BDP1: variants seen among roughly 807,000 people sequenced by gnomAD.
BDP1 encodes transcription factor TFIIIB component B'' homolog.
Under a neutral mutation model 266.6 loss-of-function variants are expected in BDP1, and 169 were observed. That is an observed-to-expected ratio of 0.63 (90% CI 0.56 to 0.72). The LOEUF (loss-of-function observed/expected upper bound fraction) is 0.72. Among genes scored for constraint, BDP1 ranks in the 30% least tolerant of loss-of-function variants. The pLI, the probability that BDP1 is intolerant of heterozygous loss-of-function variation, is 0.00. For synonymous variants in BDP1, 1,090 were observed against 1,022.4 expected, an observed-to-expected ratio of 1.07 and a Z score of -1.26; for missense variants, 3,015 against 3,053.8, an observed-to-expected ratio of 0.99 and a Z score of 0.30.
intron 11 of BDP1, among the ~76,000 whole-genome samples, chr5:71,492,289 T>C (rs1454105495): frequency 1.3e-5 from 2 of 152,230 alleles, no homozygotes; most frequent in Non-Finnish European, 2.9e-5. Context: ...ATGGTAGTTC[T>C]ACTTTTAATT....
At position 71,509,887 on chromosome 5, in the gene BDP1, C is replaced by G. The variant is rs1301748618; in HGVS notation, c.2795C>G (p.Ala932Gly). 1 of 1,613,580 alleles carries G rather than the reference C, an allele frequency of 6.2e-7. No individual in the cohort carries two copies. The highest frequency in any genetic ancestry group is 1.3e-5 in the African/African-American group (1 of 74,752). Residue 932 changes from alanine (A) to glycine (G), a missense_variant, in exon 17 of 39, where the codon GCT (alanine) becomes GGT (glycine). This residue lies in a region of BDP1 where 2,383 missense variants were observed against 2,404.9 expected (regional missense o/e 0.99). Transcript: ENST00000358731. ...TEEIDKDLEE[A>G]GRREISPQKN... ...GAAATAGACAAAGATTTGGAAGAAG[C>G]TGGAAGAAGAGAAATATCCCCACAG...
the BDP1 span, among the ~76,000 whole-genome samples, chr5:71,573,284 T>C: frequency 4.0e-5 from 6 of 151,404 alleles, no homozygotes; most frequent in Non-Finnish European, 7.4e-5. Flanking sequence ...GGATGAAAAT[T>C]GGCCTATACC....
chr5:71,543,576 T>G (rs1309316740), intron 30 of BDP1, among the ~76,000 whole-genome samples: 3 of 152,182 alleles, frequency 2.0e-5, no homozygotes, highest in Non-Finnish European at 2.9e-5. Context: ...AGCAAGACCC[T>G]GTCTCAAAGA....
the BDP1 span, among the ~76,000 whole-genome samples, chr5:71,575,684 A>G: frequency 6.6e-6 from 1 of 152,170 alleles, no homozygotes; most frequent in Non-Finnish European, 1.5e-5. Context: ...ATAAGCCTCA[A>G]TTTGCCTTCT....
In BDP1 at chr5:71,499,169, G is replaced by A. The variant is rs527802309; in HGVS notation, c.1956+1743G>A. 2.0e-5 allele frequency among the ~76,000 whole-genome samples: 3 copies of A among 152,206 alleles called. No homozygotes were observed. The East Asian group carries it at 5.8e-4, about 29-fold the overall frequency. On this transcript the variant is annotated intron_variant, in intron 13 of 38. Transcript: ENST00000358731. ...GGCTGTGGTGCGATGGCGTGATCTC[G>A]GCTCACCGCAACCTCTGCCTCCTGG...
At chr5:71,495,856 A>G (rs1449899015) in intron 12 of BDP1, among the ~76,000 whole-genome samples, 4 of 152,210 alleles carry the variant, frequency 2.6e-5, no homozygotes, top group Non-Finnish European at 5.9e-5. Context: ...TAAAAACATC[A>G]TAAAAATCTC....
chr5:71,555,217 G>A (rs570209756), intron 35 of BDP1, among the ~76,000 whole-genome samples: 16 of 152,262 alleles, frequency 1.1e-4, no homozygotes, highest in African/African-American at 3.9e-4. Flanking sequence ...TTGATTTGGT[G>A]TAAGGAATAG....
At chr5:71,555,906 A>G (rs753365626) in intron 35 of BDP1, among the ~76,000 whole-genome samples, 45 of 152,260 alleles carry the variant, frequency 3.0e-4, no homozygotes, top group Non-Finnish European at 5.9e-4. Flanking sequence ...AAAGAGTTCT[A>G]TTGGTATTTG....
At chr5:71,459,443 T>C (rs1409398578) in intron 2 of BDP1, among the ~76,000 whole-genome samples, 1 of 151,868 alleles carries the variant, frequency 6.6e-6, no homozygotes, top group Non-Finnish European at 1.5e-5. Flanking sequence ...ACCTGGGAGG[T>C]GGAAGTTGCA....
At position 71,493,753 on chromosome 5, in the gene BDP1, A is replaced by G. The variant is rs1763729327; in HGVS notation, c.1641-1497A>G. On this transcript the variant is annotated intron_variant, in intron 11 of 38. Transcript: ENST00000358731. ...CAGCATGGTATTGGTGTAGGGTTAG[A>G]TGAATTGACTCAGTGGAACTGAATA... is the stretch of plus-strand genomic sequence containing the variant. Among the ~76,000 whole-genome samples, 2 of 152,226 alleles carry G rather than the reference A, an allele frequency of 1.3e-5. 1 individual carries two copies. The highest frequency in any genetic ancestry group is 4.1e-4 in the South Asian group (2 of 4,834).
intron 14 of BDP1, among the ~76,000 whole-genome samples, chr5:71,502,182 T>TC (rs1561715507): frequency 6.8e-6 from 1 of 146,816 alleles, no homozygotes; most frequent in African/African-American, 2.4e-5. Flanking sequence ...TCTTTTTTTT[T>TC]CTCTCTCTTT....
At position 71,539,092 on chromosome 5, in the gene BDP1, A is replaced by G. The variant is rs1415115084; in HGVS notation, c.5929+14A>G. 6.3e-7 allele frequency: 1 copy of G among 1,587,974 alleles called. No individual in the cohort carries two copies. The highest frequency in any genetic ancestry group is 1.7e-5 in the Admixed American group (1 of 57,578). On this transcript the variant is annotated intron_variant, in intron 27 of 38. Coordinates refer to ENST00000358731, the MANE Select transcript of BDP1 (RefSeq NM_018429.3). ...AAGATGAACCAGGTAACTGTTATCAAGGAAACTGCTAAGACTACCTTGATT... is the reference window on the plus strand; with the variant it reads ...AAGATGAACCAGGTAACTGTTATCAGGGAAACTGCTAAGACTACCTTGATT...
At chr5:71,550,098 C>A (rs1742638590) in intron 34 of BDP1, among the ~76,000 whole-genome samples, 1 of 152,200 alleles carries the variant, frequency 6.6e-6, no homozygotes, top group Non-Finnish European at 1.5e-5. Context: ...CGCAAGAGAT[C>A]CTCCTGGCCA....
At chr5:71,544,556 T>C (rs1742117062) in intron 31 of BDP1, 49 bp downstream of exon 31, 1 of 1,552,078 alleles carries the variant, frequency 6.4e-7, no homozygotes, top group Non-Finnish European at 8.7e-7. Flanking sequence ...GTTTCAGCTA[T>C]AGCCTTAAGT....
At position 71,553,368 on chromosome 5, in the gene BDP1, G is replaced by A. The variant is rs1487685641; in HGVS notation, c.7200+48G>A. On this transcript the variant is annotated intron_variant, in intron 35 of 38. Coordinates refer to ENST00000358731, the MANE Select transcript of BDP1 (RefSeq NM_018429.3). Reference sequence around the variant, plus strand: ...CTCAATATGGCCATTAAGTAAGATGGCCATATTGCAACAGATCTGTTCCTA... The same window carrying A: ...CTCAATATGGCCATTAAGTAAGATGACCATATTGCAACAGATCTGTTCCTA... The A allele has an allele frequency of 8.3e-6, 11 of 1,318,938 alleles. No individual in the cohort carries two copies. In the African/African-American group the frequency reaches 1.6e-4, roughly 19 times the overall value. 81.7% of individuals were successfully genotyped at this position (1,318,938 alleles called of 1,614,324 possible).
chr5:71,552,187 G>A (rs1421920041), intron 34 of BDP1, among the ~76,000 whole-genome samples: 7 of 150,064 alleles, frequency 4.7e-5, no homozygotes, highest in African/African-American at 9.8e-5. Context: ...AGACAGGGTC[G>A]CGGCCGGGCA....
intron 1 of BDP1, among the ~76,000 whole-genome samples, chr5:71,458,163 G>A (rs1357371853): frequency 1.3e-5 from 2 of 152,074 alleles, no homozygotes; most frequent in Non-Finnish European, 2.9e-5. Flanking sequence ...TAAAATGCCG[G>A]TAGTTTAGAC....
At chr5:71,468,620 T>G (rs1489532693) in intron 6 of BDP1, among the ~76,000 whole-genome samples, 2 of 151,320 alleles carry the variant, frequency 1.3e-5, no homozygotes, top group African/African-American at 4.8e-5. Flanking sequence ...TTTTTTTTTT[T>G]TTTGAGATGG....
intron 1 of BDP1, among the ~76,000 whole-genome samples, chr5:71,456,942 A>G (rs1169607505): frequency 6.6e-6 from 1 of 152,206 alleles, no homozygotes; most frequent in Non-Finnish European, 1.5e-5. Context: ...AAGGTGAAAC[A>G]TTTATTTATT....
Sources: allele counts gnomAD v4.1 joint callset (sites outside exome capture counted in the v4.1 genomes callset), GRCh38; gene constraint gnomAD v4.1.1; regional missense constraint gnomAD v4.1.1; transcripts MANE v1.5; gene names NCBI Gene and HGNC (gene_info 2026-07-23, HGNC 2026-07-21).